Variants in PTPRT observed in about 807,000 individuals in gnomAD.
PTPRT encodes receptor-type tyrosine-protein phosphatase T.
A neutral mutation model predicts 176.8 loss-of-function variants in PTPRT; 56 were observed. The ratio of observed to expected loss-of-function variants is 0.32; its 90% CI spans 0.26 to 0.40. The LOEUF (loss-of-function observed/expected upper bound fraction) is 0.40. PTPRT is among the 10% of genes least tolerant of loss of function. The pLI is 1.00. For synonymous variants in PTPRT, 783 were observed against 739.0 expected (o/e 1.06, Z -0.96); for missense variants, 1,540 against 1,908.2 (o/e 0.81, Z 3.60).
At chr20:42,500,592 C>A (rs756615504) in intron 7 of PTPRT, among the ~76,000 whole-genome samples, 5 of 152,178 alleles carry the variant, frequency 3.3e-5, no homozygotes, top group Non-Finnish European at 5.9e-5. Flanking sequence ...TAAAAAAATT[C>A]TCTGCCCTTA....
At position 42,770,315 on chromosome 20, in the gene PTPRT, A is replaced by C. The variant is rs941850204; in HGVS notation, c.684+1120T>G. On this transcript the variant is annotated intron_variant, in intron 5 of 30. Coordinates refer to ENST00000373187, the MANE Select transcript of PTPRT (RefSeq NM_007050.6). ...TTTTTCTATAGAAATAATTATTTTCATGTCAAATCACCACAGCCACATGTA... is the reference window on the plus strand; with the variant it reads ...TTTTTCTATAGAAATAATTATTTTCCTGTCAAATCACCACAGCCACATGTA... Among the ~76,000 whole-genome samples, 46 of 152,194 alleles carry C rather than the reference A, an allele frequency of 3.0e-4. 1 individual carries two copies. Among genetic ancestry groups the C allele is most frequent in the Admixed American group, 6.5e-5 (1 of 15,288 alleles).
intron 7 of PTPRT, among the ~76,000 whole-genome samples, chr20:42,596,744 C>A (rs1468567308): frequency 1.3e-5 from 2 of 152,130 alleles, no homozygotes; most frequent in African/African-American, 2.4e-5. Flanking sequence ...AAATGTGCAA[C>A]CTTACTTCTA....
At chr20:42,769,660 G>A (rs1307001919) in intron 5 of PTPRT, among the ~76,000 whole-genome samples, 8 of 152,198 alleles carry the variant, frequency 5.3e-5, no homozygotes, top group Middle Eastern at 3.4e-3. Flanking sequence ...ACGTCTCTAC[G>A]AAGACTCACA....
rs111429187 is a variant in PTPRT at position 42,806,760 on chromosome 20, T to A, written c.215-15294A>T. 8.0e-3 allele frequency among the ~76,000 whole-genome samples: 1,223 copies of A among 152,276 alleles called. 8 individuals carry two copies. Among genetic ancestry groups the A allele is most frequent in the African/African-American group, 0.028 (1,167 of 41,556 alleles). ...CAAAAACAGGCAGCTGAGGGGTCCATGCATAGGCTGTAGTTTGCTGACCTC... is the reference window on the plus strand; with the variant it reads ...CAAAAACAGGCAGCTGAGGGGTCCAAGCATAGGCTGTAGTTTGCTGACCTC... On this transcript the variant is annotated intron_variant, in intron 2 of 30. Transcript: ENST00000373187.
chr20:42,243,053 G>A (rs2056384855), intron 14 of PTPRT, among the ~76,000 whole-genome samples: 1 of 149,668 alleles, frequency 6.7e-6, no homozygotes, highest in South Asian at 2.1e-4. Flanking sequence ...AAGGAAGGGA[G>A]GGAGGGAGGG....
At chr20:42,458,951 G>A (rs933340877) in intron 8 of PTPRT, among the ~76,000 whole-genome samples, 4 of 152,136 alleles carry the variant, frequency 2.6e-5, no homozygotes, top group African/African-American at 9.7e-5. Context: ...GGAGAAGACA[G>A]ATAATAAAAC....
chr20:42,493,611 T>C (rs976398038), intron 7 of PTPRT, among the ~76,000 whole-genome samples: 3 of 152,068 alleles, frequency 2.0e-5, no homozygotes, highest in Admixed American at 1.3e-4. Flanking sequence ...AAGGTCCTAA[T>C]CACAATGCTA....
At chr20:42,663,912 AAAT>A (rs1227243926) in intron 7 of PTPRT, among the ~76,000 whole-genome samples, 1 of 152,184 alleles carries the variant, frequency 6.6e-6, no homozygotes, top group East Asian at 1.9e-4. Context: ...TTGTCCTTAT[AAAT>A]AATGCAGTGA....
chr20:42,210,595 GA>G (rs1326793911), intron 15 of PTPRT, among the ~76,000 whole-genome samples: 1 of 151,660 alleles, frequency 6.6e-6, no homozygotes, highest in African/African-American at 2.4e-5. Flanking sequence ...CAAGGGATGT[GA>G]AGGACCTCTT....
In PTPRT at chr20:42,087,085, C is replaced by T. The variant is rs371931035; in HGVS notation, c.3847-1232G>A. Among the ~76,000 whole-genome samples the T allele has an allele frequency of 2.1e-4, 32 of 151,626 alleles. No homozygotes were observed. In the East Asian group the frequency reaches 4.7e-3, roughly 22 times the overall value. On this transcript the variant is annotated intron_variant, in intron 27 of 30. Coordinates refer to ENST00000373187, the MANE Select transcript of PTPRT (RefSeq NM_007050.6). ...GAAGACATTTTGATTGTCACACCTG[C>T]GGGTTGCTATGGGCATTTAGTGAGT...
intron 9 of PTPRT, among the ~76,000 whole-genome samples, chr20:42,395,309 T>C (rs79675527): frequency 0.021 from 3,271 of 152,210 alleles, 132 homozygotes; most frequent in African/African-American, 0.075. Context: ...CCCATCCCCA[T>C]ACATTCTGTC....
Position 42,350,622 on chromosome 20 carries a change from C to T in PTPRT, c.1865+6G>A. 6.3e-7 allele frequency: 1 copy of T among 1,593,134 alleles called. No homozygotes were observed. The highest frequency in any genetic ancestry group is 8.6e-7 in the Non-Finnish European group (1 of 1,160,902). ...CTGCAGACTCCAAGTGAAGAACCAT[C>T]CTCACCTGACAGGAGCTCCCCGGGA... On this transcript the variant is annotated splice_donor_region_variant and intron_variant, in intron 11 of 30. Coordinates refer to ENST00000373187, the MANE Select transcript of PTPRT (RefSeq NM_007050.6).
intron 2 of PTPRT, among the ~76,000 whole-genome samples, chr20:42,828,677 C>T (rs1309286307): frequency 6.6e-6 from 1 of 152,162 alleles, no homozygotes; most frequent in Admixed American, 6.5e-5. Flanking sequence ...GGCCAAGGTA[C>T]AGCTCAGGCT....
chr20:42,183,171 A>G (rs1990594984), intron 16 of PTPRT, among the ~76,000 whole-genome samples: 2 of 152,158 alleles, frequency 1.3e-5, no homozygotes, highest in African/African-American at 4.8e-5. Flanking sequence ...ACTCCCTAGT[A>G]TTCGAGACCC....
intron 9 of PTPRT, among the ~76,000 whole-genome samples, chr20:42,411,615 A>T (rs2059019777): frequency 1.3e-5 from 2 of 151,918 alleles, no homozygotes; most frequent in Non-Finnish European, 2.9e-5. Context: ...GAAGACACAA[A>T]TCGTTAGCAT....
chr20:42,320,080 T>C (rs905785170), intron 11 of PTPRT, among the ~76,000 whole-genome samples: 1 of 152,194 alleles, frequency 6.6e-6, no homozygotes, highest in Non-Finnish European at 1.5e-5. Context: ...TGTTTTTTCA[T>C]TACTTATGCC....
intron 16 of PTPRT, among the ~76,000 whole-genome samples, chr20:42,166,937 G>A (rs941761937): frequency 6.7e-6 from 1 of 150,262 alleles, no homozygotes; most frequent in South Asian, 2.1e-4. Flanking sequence ...AAAAAAAAAG[G>A]GGGGTCTGTT....
chr20:42,287,825 A>G (rs1396026174), intron 12 of PTPRT, among the ~76,000 whole-genome samples: 1 of 151,974 alleles, frequency 6.6e-6, no homozygotes, highest in Non-Finnish European at 1.5e-5. Flanking sequence ...ATCACTATGT[A>G]TCCCATAAAT....
intron 2 of PTPRT, among the ~76,000 whole-genome samples, chr20:42,818,476 C>T (rs933329202): frequency 1.3e-5 from 2 of 152,126 alleles, no homozygotes; most frequent in Non-Finnish European, 2.9e-5. Context: ...GCCAGAGTGC[C>T]TTTCCTCCTC....
Sources: allele counts gnomAD v4.1 joint callset (sites outside exome capture counted in the v4.1 genomes callset), GRCh38; gene constraint gnomAD v4.1.1; transcripts MANE v1.5; gene names NCBI Gene and HGNC (gene_info 2026-07-23, HGNC 2026-07-21).